Variants in RPH3AL observed in about 807,000 individuals in gnomAD.
The protein encoded by RPH3AL is rab effector Noc2.
Under a neutral mutation model 43.1 loss-of-function variants are expected in RPH3AL, and 38 were observed. The ratio of observed to expected loss-of-function variants is 0.88; its 90% CI spans 0.68 to 1.15. The LOEUF (loss-of-function observed/expected upper bound fraction) is 1.15, where lower values mean the gene tolerates loss of function less well. RPH3AL is among the 50% of genes most tolerant of loss of function. The pLI is 0.00. For missense variants in RPH3AL, 462 were observed against 423.2 expected, an observed-to-expected ratio of 1.09 and a Z score of -0.81; for synonymous variants, 189 against 176.3, an observed-to-expected ratio of 1.07 and a Z score of -0.57.
rs2041757069 is a variant in RPH3AL at position 246,070 on chromosome 17, A to G, written c.613+1041T>C. Among the ~76,000 whole-genome samples, 1 of 152,204 alleles carries G rather than the reference A, an allele frequency of 6.6e-6. No individual in the cohort carries two copies. Among genetic ancestry groups the G allele is most frequent in the South Asian group, 2.1e-4 (1 of 4,832 alleles). ...CACGTATGGGGGATTTATACCTTCT[A>G]CATACGTCACTGGACAACTTTCACA... On this transcript the variant is annotated intron_variant, in intron 7 of 9. Coordinates refer to ENST00000331302, the MANE Select transcript of RPH3AL (RefSeq NM_006987.4). This position sits in a 1 kb window ranked among gnomAD's most constrained non-coding sequence, Gnocchi z 4.8.
intron 2 of RPH3AL, among the ~76,000 whole-genome samples, chr17:329,987 A>G (rs1033380755): frequency 6.6e-6 from 1 of 152,368 alleles, no homozygotes; most frequent in East Asian, 1.9e-4. Flanking sequence ...CATTTGTGAC[A>G]GGATAAAACC....
chr17:320,278 C>T (rs1446478501), intron 4 of RPH3AL, among the ~76,000 whole-genome samples: 2 of 151,032 alleles, frequency 1.3e-5, no homozygotes, highest in African/African-American at 4.9e-5. Context: ...CCAGCGAAGG[C>T]TCTCGGAGAA....
chr17:330,436 G>A (rs539282154), intron 2 of RPH3AL, among the ~76,000 whole-genome samples: 57 of 152,334 alleles, frequency 3.7e-4, no homozygotes, highest in African/African-American at 9.9e-4. Flanking sequence ...AAATGATACC[G>A]TCCTCAAACA....
chr17:314,207 G>C (rs1025162983), intron 5 of RPH3AL, among the ~76,000 whole-genome samples: 2 of 152,184 alleles, frequency 1.3e-5, no homozygotes, highest in Admixed American at 1.3e-4. Flanking sequence ...GCCAGGATCT[G>C]TGCCTCTTCA....
chr17:219,708 C>A lies in RPH3AL; in HGVS notation c.642G>T (p.Ser214=), dbSNP rs576077707. 1.2e-6 allele frequency: 2 copies of A among 1,613,480 alleles called. No individual in the cohort carries two copies. The highest frequency in any genetic ancestry group is 1.7e-6 in the Non-Finnish European group (2 of 1,179,832). ...RVVSSDSDSD[S]DLSSSSLEDR... is the part of the protein sequence containing the mutation. ...CCTCTAGGCTGGAGGAGCTAAGATCCGAGTCACTGTCACTGTCACTGGAAA... is the reference window on the plus strand; with the variant it reads ...CCTCTAGGCTGGAGGAGCTAAGATCAGAGTCACTGTCACTGTCACTGGAAA... Residue 214 remains serine, a synonymous_variant, in exon 8 of 10, where the codon TCG becomes TCT. Coordinates refer to ENST00000331302, the MANE Select transcript of RPH3AL (RefSeq NM_006987.4).
intron 6 of RPH3AL, among the ~76,000 whole-genome samples, chr17:273,058 C>T (rs2042541756): frequency 6.8e-6 from 1 of 146,166 alleles, no homozygotes; most frequent in Non-Finnish European, 1.5e-5. Context: ...GGGAGAGACC[C>T]CAGCGAGGGC....
At position 212,468 on chromosome 17, in the gene RPH3AL, G is replaced by A. The variant is rs1386892100; in HGVS notation, c.*1384C>T. 6.6e-6 allele frequency: 1 copy of A among 152,028 alleles called. No individual in the cohort carries two copies. The highest frequency in any genetic ancestry group is 1.5e-5 in the Non-Finnish European group (1 of 68,024). 9.4% of individuals were successfully genotyped at this position (152,028 alleles called of 1,614,324 possible). On this transcript the variant is annotated 3_prime_UTR_variant, in exon 10 of 10. Transcript: ENST00000331302. ...ACGCATCTCAGAAACACAGGCAATC[G>A]TGGTCTTCGATCAACACACTGGCTC...
intron 5 of RPH3AL, among the ~76,000 whole-genome samples, chr17:313,094 G>C (rs576728340): frequency 1.4e-4 from 22 of 152,258 alleles, no homozygotes; most frequent in African/African-American, 5.3e-4. Flanking sequence ...CTGAAGTCGA[G>C]AGCTCTTTCC....
chr17:301,884 C>T (rs561789869), intron 5 of RPH3AL, among the ~76,000 whole-genome samples: 10 of 152,276 alleles, frequency 6.6e-5, no homozygotes, highest in South Asian at 6.2e-4. Flanking sequence ...ATCTGGAAAA[C>T]GAGTATGAAC....
In RPH3AL at chr17:289,355, G is replaced by A. The variant is rs1337270079; in HGVS notation, c.352-7501C>T. ...CCAGCACTCATCCTGGGCCCCCATC[G>A]TCCCTCCTTCCTGCCCAGATAATCC... On this transcript the variant is annotated intron_variant, in intron 5 of 9. Coordinates refer to ENST00000331302, the MANE Select transcript of RPH3AL (RefSeq NM_006987.4). This position sits in a 1 kb window ranked among gnomAD's most constrained non-coding sequence, Gnocchi z 5.2. Among the ~76,000 whole-genome samples the A allele has an allele frequency of 2.0e-5, 3 of 152,086 alleles. No individual in the cohort carries two copies. The highest frequency in any genetic ancestry group is 2.9e-5 in the Non-Finnish European group (2 of 68,012).
chr17:242,885 C>A (rs1428608941), intron 7 of RPH3AL, among the ~76,000 whole-genome samples: 6 of 125,426 alleles, frequency 4.8e-5, no homozygotes, highest in African/African-American at 1.1e-4. Flanking sequence ...CTATTGACTA[C>A]CTTCCTCTAT....
chr17:229,961 G>A (rs773052503), intron 7 of RPH3AL, among the ~76,000 whole-genome samples: 5 of 152,286 alleles, frequency 3.3e-5, no homozygotes, highest in South Asian at 2.1e-4. Flanking sequence ...GATATGGGGT[G>A]TGCTTCTGGC....
rs1034137149 is a variant in RPH3AL at position 331,455 on chromosome 17, T to A, written c.-37+2304A>T. Reference sequence around the variant, plus strand: ...GTCGGACATGAGGACCCAGGAGAATTCAGGCCCCGGCTCTGGGACGGCTGT... The same window carrying A: ...GTCGGACATGAGGACCCAGGAGAATACAGGCCCCGGCTCTGGGACGGCTGT... On this transcript the variant is annotated intron_variant, in intron 2 of 9. Transcript: ENST00000331302. The A allele has an allele frequency of 8.1e-5, 62 of 765,702 alleles. No homozygotes were observed. The South Asian group carries it at 9.9e-4, about 12-fold the overall frequency. The allele number at this position is 765,702 out of a possible 1,614,324, so 47.4% of individuals were successfully genotyped here. A position where few individuals can be genotyped will look rare whatever the true frequency, so the allele number is the denominator to read the frequency against.
chr17:309,201 G>A (rs2043573102), intron 5 of RPH3AL, among the ~76,000 whole-genome samples: 2 of 152,190 alleles, frequency 1.3e-5, no homozygotes, highest in Non-Finnish European at 1.5e-5. Flanking sequence ...AGGCCGAGGT[G>A]GGAGGATCGA....
Position 266,500 on chromosome 17 carries a change from C to G in RPH3AL, c.438+15268G>C, listed in dbSNP as rs189627087. The stretch of plus-strand genomic sequence containing the variant: ...GGCCCCGCCCTCATCAGAAGATGCG[C>G]TGGAAATCACACCCCAGGAAAGATA... On this transcript the variant is annotated intron_variant, in intron 6 of 9. Transcript: ENST00000331302. Among the ~76,000 whole-genome samples the G allele has an allele frequency of 1.5e-3, 229 of 152,306 alleles. 2 individuals are homozygous for G. Among genetic ancestry groups the G allele is most frequent in the African/African-American group, 5.3e-3 (221 of 41,550 alleles).
chr17:238,907 A>G (rs2041464427), intron 7 of RPH3AL, among the ~76,000 whole-genome samples: 2 of 152,186 alleles, frequency 1.3e-5, no homozygotes, highest in African/African-American at 2.4e-5. Context: ...ACCAGGCCCT[A>G]TGCAAAAGCT....
chr17:318,387 G>T (rs1306659514), intron 5 of RPH3AL, among the ~76,000 whole-genome samples: 2 of 152,044 alleles, frequency 1.3e-5, no homozygotes, highest in Non-Finnish European at 2.9e-5. Context: ...GTCTCTGGGG[G>T]TGGAAAAAAG....
chr17:332,737 CG>C, intron 2 of RPH3AL: 1 of 283,094 alleles, frequency 3.5e-6, no homozygotes, highest in Non-Finnish European at 7.2e-6. Flanking sequence ...CTCCACCTGA[CG>C]GCTGAGCTCG....
intron 6 of RPH3AL, among the ~76,000 whole-genome samples, chr17:262,286 T>C (rs1555546500): frequency 3.3e-5 from 5 of 152,052 alleles, no homozygotes; most frequent in Non-Finnish European, 7.4e-5. Flanking sequence ...CGGCACAATC[T>C]CGGCTCACTG....
Sources: gnomAD v4.1 joint callset for allele counts (sites outside exome capture counted in the v4.1 genomes callset) on GRCh38, gnomAD v4.1.1 for gene constraint, Gnocchi (gnomAD v3.1) non-coding constraint, MANE v1.5 for transcripts, NCBI Gene and HGNC (gene_info 2026-07-23, HGNC 2026-07-21) for gene names.